The following LPP variants were observed in gnomAD, a reference collection of about 807,000 sequenced individuals.
The protein encoded by LPP is lipoma-preferred partner.
A neutral mutation model predicts 60.4 loss-of-function variants in LPP; 38 were observed. The ratio of observed to expected loss-of-function variants is 0.63; its 90% CI spans 0.49 to 0.83. The LOEUF (loss-of-function observed/expected upper bound fraction) is 0.83, where lower values mean the gene tolerates loss of function less well. Among genes scored for constraint, LPP ranks in the 40% least tolerant of loss-of-function variants. The pLI is 0.00. For synonymous variants in LPP, 328 were observed against 290.8 expected (o/e 1.13, Z -1.30); for missense variants, 902 against 783.6 (o/e 1.15, Z -1.80).
rs1355125622 is a variant in LPP, at chr3:188,882,050, A to G, written c.*7571A>G. 2.4e-5 allele frequency: 5 copies of G among 210,352 alleles called. No individual in the cohort carries two copies. Among genetic ancestry groups the G allele is most frequent in the African/African-American group, 9.1e-5 (4 of 44,144 alleles). 13.0% of individuals were successfully genotyped at this position (210,352 alleles called of 1,614,324 possible). The stretch of plus-strand genomic sequence containing the variant: ...CAGCTCTTCAATTTATAATTACCAA[A>G]TAATCACTGTTAGAGAATCAGCCCC... On this transcript the variant is annotated 3_prime_UTR_variant, in exon 12 of 12. Coordinates refer to ENST00000617246, the MANE Select transcript of LPP (RefSeq NM_001375462.1).
rs74719903 is a variant in LPP at position 188,824,580 on chromosome 3, G to C, written c.1411-41620G>C. ...TTGGGGATGGTATCACCTTGAGTTG[G>C]TCTGTGACCTGCTGGGAGTAATGCA... On this transcript the variant is annotated intron_variant, in intron 9 of 11. Coordinates refer to ENST00000617246, the MANE Select transcript of LPP (RefSeq NM_001375462.1). 8.5e-3 allele frequency among the ~76,000 whole-genome samples: 1,295 copies of C among 152,146 alleles called. 18 individuals carry two copies. Among genetic ancestry groups the C allele is most frequent in the African/African-American group, 0.03 (1,234 of 41,504 alleles).
At position 188,854,914 on chromosome 3, in the gene LPP, T is replaced by C. The variant is rs574211752; in HGVS notation, c.1411-11286T>C. On this transcript the variant is annotated intron_variant, in intron 9 of 11. Transcript: ENST00000617246. ...TGTGAGTGGAATGGTATTGGGAACA[T>C]TTCTAGTCTCTGCTTGCAGATCTTG... 9.2e-5 allele frequency among the ~76,000 whole-genome samples: 14 copies of C among 152,312 alleles called. No homozygotes were observed. In the South Asian group the frequency reaches 2.9e-3, roughly 32 times the overall value.
At chr3:188,457,589 A>G (rs986894362) in intron 4 of LPP, among the ~76,000 whole-genome samples, 2 of 151,800 alleles carry the variant, frequency 1.3e-5, no homozygotes, top group Non-Finnish European at 2.9e-5. Flanking sequence ...TCCACTCGTT[A>G]GGGGTATGAT....
intron 5 of LPP, among the ~76,000 whole-genome samples, chr3:188,505,040 G>C (rs951759285): frequency 7.2e-5 from 11 of 152,176 alleles, no homozygotes; most frequent in Non-Finnish European, 1.6e-4. Flanking sequence ...GATCTAAGAG[G>C]TGGGGTATAG....
chr3:188,264,096 C>T (rs1446743983), intron 2 of LPP, among the ~76,000 whole-genome samples: 1 of 152,114 alleles, frequency 6.6e-6, no homozygotes, highest in Non-Finnish European at 1.5e-5. Flanking sequence ...TTGTGTTGGA[C>T]ATGTTTGATC....
At chr3:188,646,785 C>G (rs1851183985) in intron 7 of LPP, among the ~76,000 whole-genome samples, 1 of 152,204 alleles carries the variant, frequency 6.6e-6, no homozygotes, top group Non-Finnish European at 1.5e-5. Context: ...AACACAAGTT[C>G]CCTTTCTATC....
At chr3:188,290,830 G>T (rs1238803131) in intron 2 of LPP, among the ~76,000 whole-genome samples, 1 of 152,144 alleles carries the variant, frequency 6.6e-6, no homozygotes, top group East Asian at 1.9e-4. Flanking sequence ...ACTGGTCAAA[G>T]GTGGCCTGCT....
At chr3:188,407,945 T>C (rs1784059628) in intron 4 of LPP, among the ~76,000 whole-genome samples, 1 of 151,856 alleles carries the variant, frequency 6.6e-6, no homozygotes, top group African/African-American at 2.4e-5. Context: ...TGCACTACCA[T>C]GCTTGACTAA....
At chr3:188,836,637 C>A (rs1026487344) in intron 9 of LPP, among the ~76,000 whole-genome samples, 6 of 152,300 alleles carry the variant, frequency 3.9e-5, no homozygotes, top group African/African-American at 9.6e-5. Context: ...CTATTAGATG[C>A]GCTCCCTAGG....
At chr3:188,517,621 G>A (rs1003619499) in intron 5 of LPP, among the ~76,000 whole-genome samples, 2 of 152,150 alleles carry the variant, frequency 1.3e-5, no homozygotes. Context: ...CATGGCTGGG[G>A]AGGCCTCAGA....
At chr3:188,592,557 G>GTTGTTTGTTTTT (rs1553936334) in intron 6 of LPP, among the ~76,000 whole-genome samples, 6 of 85,716 alleles carry the variant, frequency 7.0e-5, no homozygotes, top group East Asian at 4.8e-4. Flanking sequence ...TTTTGTTTTT[G>GTTGTTTGTTTTT]TTTTTTAAAT....
At chr3:188,716,196 C>G (rs1443633493) in intron 8 of LPP, among the ~76,000 whole-genome samples, 1 of 152,142 alleles carries the variant, frequency 6.6e-6, no homozygotes. Flanking sequence ...TCCAGTGGAA[C>G]TAGGCCTTCA....
At chr3:188,848,231 A>AT (rs1448623675) in intron 9 of LPP, among the ~76,000 whole-genome samples, 1 of 152,194 alleles carries the variant, frequency 6.6e-6, no homozygotes. Flanking sequence ...TAAGCTCTGA[A>AT]TTTGAGACTT....
intron 3 of LPP, among the ~76,000 whole-genome samples, chr3:188,346,323 G>A (rs1197501777): frequency 1.5e-5 from 2 of 133,024 alleles, no homozygotes; most frequent in Middle Eastern, 4.8e-3. Flanking sequence ...GCAGTGGCAC[G>A]ATCTTGGTTT....
chr3:188,333,854 C>T lies in LPP; in HGVS notation c.-66-7809C>T, dbSNP rs73888222. Among the ~76,000 whole-genome samples the T allele has an allele frequency of 7.1e-3, 1,078 of 152,134 alleles. 16 individuals carry two copies. The highest frequency in any genetic ancestry group is 0.025 in the African/African-American group (1,046 of 41,492). On this transcript the variant is annotated intron_variant, in intron 2 of 11. Coordinates refer to ENST00000617246, the MANE Select transcript of LPP (RefSeq NM_001375462.1). ...TATTTAGCATATTCATCACCTCAAA[C>T]GTTTATTATTTCTTTGTGTTTGGAA...
At chr3:188,415,396 A>G (rs1785941052) in intron 4 of LPP, among the ~76,000 whole-genome samples, 1 of 152,142 alleles carries the variant, frequency 6.6e-6, no homozygotes, top group African/African-American at 2.4e-5. Flanking sequence ...AAAAGTAAAC[A>G]TGTACTAACC....
At chr3:188,165,893 C>T (rs571044207) in intron 1 of LPP, among the ~76,000 whole-genome samples, 1 of 152,202 alleles carries the variant, frequency 6.6e-6, no homozygotes, top group Non-Finnish European at 1.5e-5. Context: ...CTGAGGTGAT[C>T]TCGTCTGCCC....
At chr3:188,713,896 C>T (rs1367888219) in intron 8 of LPP, among the ~76,000 whole-genome samples, 1 of 152,074 alleles carries the variant, frequency 6.6e-6, no homozygotes, top group Non-Finnish European at 1.5e-5. Context: ...TTCCCGTTAT[C>T]GTTTTCTTTT....
intron 1 of LPP, among the ~76,000 whole-genome samples, chr3:188,214,318 A>G (rs953475402): frequency 6.6e-6 from 1 of 152,032 alleles, no homozygotes; most frequent in Non-Finnish European, 1.5e-5. Flanking sequence ...TTTAGTAGAG[A>G]CAGGGTTTCA....
Sources: allele counts gnomAD v4.1 joint callset (sites outside exome capture counted in the v4.1 genomes callset), GRCh38; gene constraint gnomAD v4.1.1; transcripts MANE v1.5; gene names NCBI Gene and HGNC (gene_info 2026-07-23, HGNC 2026-07-21).